The following ALOX12B variants were observed in gnomAD, a reference collection of about 807,000 sequenced individuals.
ALOX12B encodes the protein arachidonate 12-lipoxygenase, 12R-type.
A neutral mutation model predicts 78.9 loss-of-function variants in ALOX12B; 47 were observed. The observed-to-expected ratio is 0.60, with a 90% CI of 0.47 to 0.76. The LOEUF (loss-of-function observed/expected upper bound fraction) is 0.76. ALOX12B is among the 30% of genes least tolerant of loss of function. The pLI is 0.00. For synonymous variants in ALOX12B, 370 were observed against 374.5 expected (o/e 0.99, Z 0.14); for missense variants, 805 against 922.6 (o/e 0.87, Z 1.65).
chr17:8,080,434 G>A lies in ALOX12B; in HGVS notation c.651-96C>T, dbSNP rs1977190040. 3 of 1,456,166 alleles carry A rather than the reference G, an allele frequency of 2.1e-6. No homozygotes were observed. The highest frequency in any genetic ancestry group is 2.9e-6 in the Non-Finnish European group (3 of 1,037,934). 90.2% of individuals were successfully genotyped at this position (1,456,166 alleles called of 1,614,324 possible). On this transcript the variant is annotated intron_variant, in intron 5 of 14. Coordinates refer to ENST00000647874, the MANE Select transcript of ALOX12B (RefSeq NM_001139.3). The surrounding 1 kb of genome is among the most constrained non-coding windows in gnomAD (Gnocchi z 4.8). ...CCGCCCCATCCACTTAGGTCTCTGG[G>A]TCTCAGGGTCTGTGCGTCGCAAAGT... is the stretch of plus-strand genomic sequence containing the variant.
At chr17:8,077,309 C>A in intron 8 of ALOX12B, 116 bp from the exon 9 acceptor site, 2 of 1,053,224 alleles carry the variant, frequency 1.9e-6, no homozygotes, top group Non-Finnish European at 2.8e-6. Context: ...TCCTAAGCTC[C>A]GGTCCCACTG....
chr17:8,073,511 G>A (rs1448262439), intron 13 of ALOX12B, 146 bp downstream of exon 13: 1 of 1,053,160 alleles, frequency 9.5e-7, no homozygotes, highest in African/African-American at 1.6e-5. Flanking sequence ...CTGAGGCTCG[G>A]TTTCCGTTGG....
chr17:8,081,769 A>G (rs1431730873), intron 2 of ALOX12B, among the ~76,000 whole-genome samples: 1 of 151,942 alleles, frequency 6.6e-6, no homozygotes, highest in Admixed American at 6.6e-5. Flanking sequence ...CAGTGTCCGG[A>G]GTAGGTGGGA....
At chr17:8,076,126 A>T in intron 11 of ALOX12B, 49 bp downstream of exon 11, 1 of 1,610,902 alleles carries the variant, frequency 6.2e-7, no homozygotes, top group Non-Finnish European at 8.5e-7. Context: ...CCTCTCCAAC[A>T]TCCCAGGTTG....
At position 8,077,284 on chromosome 17, in the gene ALOX12B, A is replaced by G. The variant is rs1273663113; in HGVS notation, c.1072-91T>C. The G allele has an allele frequency of 4.5e-6, 6 of 1,339,600 alleles. No homozygotes were observed. The Middle Eastern group carries it at 5.4e-4, about 122-fold the overall frequency. 83.0% of individuals were successfully genotyped at this position (1,339,600 alleles called of 1,614,324 possible). On this transcript the variant is annotated intron_variant, in intron 8 of 14. Transcript: ENST00000647874. Reference sequence around the variant, plus strand: ...CAGGAAGGAGGCAGAAGGGAGTATGAGAAGGTGAAAACACTCCTAAGCTCC... The same window carrying G: ...CAGGAAGGAGGCAGAAGGGAGTATGGGAAGGTGAAAACACTCCTAAGCTCC...
chr17:8,087,710 G>T lies in ALOX12B; in HGVS notation c.-268C>A, dbSNP rs994663598. On this transcript the variant is annotated 5_prime_UTR_variant, in exon 1 of 15. Coordinates refer to ENST00000647874, the MANE Select transcript of ALOX12B (RefSeq NM_001139.3). ...GAGTGAGCAGGTGTCTGGGCTCCAA[G>T]CCTTCTGGGAGCTGGTGGGGAGGAA... The T allele has an allele frequency of 2.7e-5, 15 of 551,642 alleles. No individual in the cohort carries two copies. The highest frequency in any genetic ancestry group is 2.6e-4 in the African/African-American group (14 of 53,104). 34.2% of individuals were successfully genotyped at this position (551,642 alleles called of 1,614,324 possible).
chr17:8,080,891 G>A lies in ALOX12B; in HGVS notation c.520C>T (p.Arg174Trp), dbSNP rs374197590. 4 of 1,613,964 alleles carry A rather than the reference G, an allele frequency of 2.5e-6. No individual in the cohort carries two copies. Among genetic ancestry groups the A allele is most frequent in the African/African-American group, 2.7e-5 (2 of 75,020 alleles). The change falls in exon 4 of 15, where the codon CGG becomes TGG. Residue 174 changes from arginine to tryptophan, a missense_variant. By Grantham distance (101) the Arg-to-Trp change is moderately radical (BLOSUM62 -3). Transcript: ENST00000647874. This position sits in a 1 kb window ranked among gnomAD's most constrained non-coding sequence, Gnocchi z 4.8. ...ACAGCTTCGGGTCCTTACTCAGGCC[G>A]GTTGGGGTTGCGATGCCTCCGCACC... ...PPVRRHRNPN[R>W]PEWNGYIPGF...
At position 8,079,740 on chromosome 17, in the gene ALOX12B, G is replaced by A. The variant is rs1388208081; in HGVS notation, c.927+29C>T. On this transcript the variant is annotated intron_variant, in intron 7 of 14. Transcript: ENST00000647874. This position sits in a 1 kb window ranked among gnomAD's most constrained non-coding sequence, Gnocchi z 6.4. ...GCCCGCGAGGGAGGCCGGGAGGAGG[G>A]CCGGGGTCTCCGCCGGAGCGGGCCT... 16 of 1,602,358 alleles carry A rather than the reference G, an allele frequency of 1.0e-5. No individual in the cohort carries two copies. The highest frequency in any genetic ancestry group is 1.4e-5 in the Non-Finnish European group (16 of 1,175,824).
At chr17:8,075,756 C>G in intron 11 of ALOX12B, 40 bp from the exon 12 acceptor site, 3 of 1,614,104 alleles carry the variant, frequency 1.9e-6, no homozygotes, top group Non-Finnish European at 2.5e-6. Flanking sequence ...TCCTCCTCCC[C>G]TCCCACTCCT....
intron 12 of ALOX12B, 151 bp downstream of exon 12, chr17:8,075,444 A>T: frequency 7.9e-7 from 1 of 1,263,518 alleles, no homozygotes; most frequent in East Asian, 2.4e-5. Flanking sequence ...GCCAGAGAAG[A>T]GCCTGTCAAA....
At position 8,080,817 on chromosome 17, in the gene ALOX12B, G is replaced by C; in HGVS notation, c.528-37C>G. 6.2e-7 allele frequency: 1 copy of C among 1,614,084 alleles called. No homozygotes were observed. The highest frequency in any genetic ancestry group is 8.5e-7 in the Non-Finnish European group (1 of 1,179,992). Reference sequence around the variant, plus strand: ...AGCGCAGGGCAACTGGGATCCAGGGGGCGGGGAGGAGGCAGGCGCCCAGGG... The same window carrying C: ...AGCGCAGGGCAACTGGGATCCAGGGCGCGGGGAGGAGGCAGGCGCCCAGGG... On this transcript the variant is annotated intron_variant, in intron 4 of 14. Coordinates refer to ENST00000647874, the MANE Select transcript of ALOX12B (RefSeq NM_001139.3). The surrounding 1 kb of genome is among the most constrained non-coding windows in gnomAD (Gnocchi z 4.8).
In ALOX12B at chr17:8,080,878, C is replaced by G; in HGVS notation, c.527+6G>C. 2 of 1,613,910 alleles carry G rather than the reference C, an allele frequency of 1.2e-6. No individual in the cohort carries two copies. Among genetic ancestry groups the G allele is most frequent in the Non-Finnish European group, 1.7e-6 (2 of 1,180,000 alleles). On this transcript the variant is annotated splice_donor_region_variant and intron_variant, in intron 4 of 14. Transcript: ENST00000647874. The surrounding 1 kb of genome is among the most constrained non-coding windows in gnomAD (Gnocchi z 4.8). ...GGCGGGGCCCAGCACAGCTTCGGGT[C>G]CTTACTCAGGCCGGTTGGGGTTGCG...
chr17:8,084,165 T>C (rs114033443), intron 2 of ALOX12B, among the ~76,000 whole-genome samples: 1 of 140,186 alleles, frequency 7.1e-6, no homozygotes, highest in African/African-American at 2.7e-5. Context: ...AAAAAAAAAA[T>C]TTGAAAATAT....
chr17:8,073,763 C>G lies in ALOX12B; in HGVS notation c.1655-6G>C. ...TCGCAAGCACCTAGGGAAGCCTGAC[C>G]GGCGGGGGAAAAGCCCAGGCGACAT... On this transcript the variant is annotated splice_polypyrimidine_tract_variant and splice_region_variant and intron_variant, in intron 12 of 14. Transcript: ENST00000647874. 6.2e-7 allele frequency: 1 copy of G among 1,612,864 alleles called. No homozygotes were observed. The highest frequency in any genetic ancestry group is 1.1e-5 in the South Asian group (1 of 90,916).
rs762211950 is a variant in ALOX12B at position 8,080,909 on chromosome 17, T to C, written c.502A>G (p.Arg168Gly). ...TCAGGCCGGTTGGGGTTGCGATGCCTCCGCACCGGAGGGCGGTAACTGGGA... is the reference window on the plus strand; with the variant it reads ...TCAGGCCGGTTGGGGTTGCGATGCCCCCGCACCGGAGGGCGGTAACTGGGA... ...HIPSYRPPVR[R>G]HRNPNRPEWN... The change falls in exon 4 of 15, where the codon AGG (arginine) becomes GGG (glycine). Residue 168 changes from arginine to glycine, a missense_variant. Coordinates refer to ENST00000647874, the MANE Select transcript of ALOX12B (RefSeq NM_001139.3). This position sits in a 1 kb window ranked among gnomAD's most constrained non-coding sequence, Gnocchi z 4.8. 4 of 1,613,752 alleles carry C rather than the reference T, an allele frequency of 2.5e-6. No homozygotes were observed. The East Asian group carries it at 6.7e-5, about 27-fold the overall frequency.
Position 8,073,065 on chromosome 17 carries a change from C to T in ALOX12B, c.1926+83G>A, listed in dbSNP as rs140340818. The T allele has an allele frequency of 1.4e-3, 2,326 of 1,607,784 alleles. 27 individuals carry two copies. The African/African-American group carries it at 0.026, about 18-fold the overall frequency. On this transcript the variant is annotated intron_variant, in intron 14 of 14. Transcript: ENST00000647874. ...CAGTGGCCTCTCACTCCCTGCTCCCCTCTTGACGCCGCTAGTTATCCTCCC... is the reference window on the plus strand; with the variant it reads ...CAGTGGCCTCTCACTCCCTGCTCCCTTCTTGACGCCGCTAGTTATCCTCCC...
intron 2 of ALOX12B, among the ~76,000 whole-genome samples, chr17:8,082,412 C>A (rs1474341970): frequency 6.6e-6 from 1 of 152,080 alleles, no homozygotes; most frequent in Non-Finnish European, 1.5e-5. Context: ...CATTATGTTC[C>A]CATGCTCTGA....
rs749877747 is a variant in ALOX12B, at chr17:8,080,852, G to A, written c.527+32C>T. 1.9e-6 allele frequency: 3 copies of A among 1,613,822 alleles called. No individual in the cohort carries two copies. Among genetic ancestry groups the A allele is most frequent in the South Asian group, 1.1e-5 (1 of 91,072 alleles). ...AGGCAGGCGCCCAGGGGAAAACCAT[G>A]GGCGGGGCCCAGCACAGCTTCGGGT... On this transcript the variant is annotated intron_variant, in intron 4 of 14. Transcript: ENST00000647874. This position sits in a 1 kb window ranked among gnomAD's most constrained non-coding sequence, Gnocchi z 4.8.
intron 13 of ALOX12B, 22 bp from the exon 14 acceptor site, chr17:8,073,340 G>A (rs376498764): frequency 5.5e-5 from 88 of 1,613,790 alleles, no homozygotes; most frequent in Admixed American, 8.3e-5. Flanking sequence ...ATAGAGGCGC[G>A]GGTCTGGGTG....
Sources: gnomAD v4.1 joint callset for allele counts (sites outside exome capture counted in the v4.1 genomes callset) on GRCh38, gnomAD v4.1.1 for gene constraint, Gnocchi (gnomAD v3.1) non-coding constraint, MANE v1.5 for transcripts, NCBI Gene and HGNC (gene_info 2026-07-23, HGNC 2026-07-21) for gene names.